The following FILIP1L variants were observed in gnomAD, a reference collection of about 807,000 sequenced individuals.
FILIP1L encodes the protein filamin A-interacting protein 1-like.
FILIP1L carries 55 observed loss-of-function variants against 96.6 expected under a neutral mutation model. The observed-to-expected ratio is 0.57, with a 90% confidence interval of 0.46 to 0.71. The LOEUF is 0.71. Ranked by LOEUF, FILIP1L falls within the 30% of genes least tolerant of loss-of-function variation. FILIP1L has a pLI of 0.00. For synonymous variants in FILIP1L, 467 were observed against 473.9 expected, an observed-to-expected ratio of 0.99 and a Z score of 0.19; for missense variants, 1,304 against 1,321.2, an observed-to-expected ratio of 0.99 and a Z score of 0.20.
chr3:99,913,561 G>A (rs955936507), intron 4 of FILIP1L, among the ~76,000 whole-genome samples: 1 of 152,076 alleles, frequency 6.6e-6, no homozygotes, highest in African/African-American at 2.4e-5. Context: ...TAAATGAATT[G>A]CATCTATAAA....
chr3:100,104,732 GCTTTCATCAAGAAAAA>G (rs1280821924), intron 1 of FILIP1L, among the ~76,000 whole-genome samples: 8 of 152,234 alleles, frequency 5.3e-5, no homozygotes, highest in African/African-American at 1.7e-4. Flanking sequence ...CAGCTTGTTA[GCTTTCATCAAGAAAAA>G]CTTTCATCAA....
At chr3:99,889,922 T>C (rs554945610) in intron 4 of FILIP1L, among the ~76,000 whole-genome samples, 34 of 152,252 alleles carry the variant, frequency 2.2e-4, no homozygotes, top group Middle Eastern at 3.4e-3. Context: ...TTATAATCTA[T>C]TATTGTTCTA....
chr3:100,094,958 G>C (rs894263135), intron 1 of FILIP1L, among the ~76,000 whole-genome samples: 8 of 152,080 alleles, frequency 5.3e-5, no homozygotes, highest in African/African-American at 1.7e-4. Context: ...AAAGTGCTGG[G>C]ATTACAGGAG....
At chr3:100,074,224 C>T (rs1418169800) in intron 1 of FILIP1L, among the ~76,000 whole-genome samples, 1 of 152,332 alleles carries the variant, frequency 6.6e-6, no homozygotes, top group East Asian at 1.9e-4. Context: ...CTGACAGCCC[C>T]CCTGGGCCTC....
chr3:99,965,627 G>T (rs755564024), intron 1 of FILIP1L, among the ~76,000 whole-genome samples: 1 of 152,152 alleles, frequency 6.6e-6, no homozygotes, highest in Non-Finnish European at 1.5e-5. Context: ...GTGTTCCAAG[G>T]TAGGGAATCC....
intron 1 of FILIP1L, among the ~76,000 whole-genome samples, chr3:100,036,626 A>G (rs1049062796): frequency 6.6e-6 from 1 of 152,370 alleles, no homozygotes; most frequent in East Asian, 1.9e-4. Context: ...TTTTGCAGCC[A>G]TCATAGTTGC....
At chr3:100,105,299 G>A (rs955003666) in intron 1 of FILIP1L, among the ~76,000 whole-genome samples, 1 of 152,114 alleles carries the variant, frequency 6.6e-6, no homozygotes, top group African/African-American at 2.4e-5. Context: ...GCAATATTTA[G>A]TTTGTTAAGT....
At chr3:99,874,654 A>T (rs1705416649) in intron 4 of FILIP1L, among the ~76,000 whole-genome samples, 1 of 152,222 alleles carries the variant, frequency 6.6e-6, no homozygotes, top group Non-Finnish European at 1.5e-5. Context: ...AACTGCTATG[A>T]GGCAAAAATG....
At chr3:100,065,829 T>C (rs2065654069) in intron 1 of FILIP1L, among the ~76,000 whole-genome samples, 2 of 152,226 alleles carry the variant, frequency 1.3e-5, no homozygotes, top group Admixed American at 6.5e-5. Context: ...TAAATGTTTA[T>C]TGGCCAGGTA....
In FILIP1L at chr3:99,978,555, A is replaced by C. The variant is rs190154393; in HGVS notation, c.-10-47525T>G. Among the ~76,000 whole-genome samples the C allele has an allele frequency of 2.6e-3, 389 of 152,324 alleles. 1 individual carries two copies. Among genetic ancestry groups the C allele is most frequent in the Non-Finnish European group, 3.9e-3 (268 of 68,024 alleles). ...AGGCACAGAAGGATGAACACACCAC[A>C]TATTCTCATTCATATGTGGAAGCTA... On this transcript the variant is annotated intron_variant, in intron 1 of 5. Transcript: ENST00000477258.
intron 4 of FILIP1L, among the ~76,000 whole-genome samples, chr3:99,879,911 C>T (rs1576543290): frequency 1.3e-5 from 2 of 152,156 alleles, no homozygotes; most frequent in South Asian, 4.1e-4. Context: ...CATGGTCCTG[C>T]ATTGCTTCAG....
chr3:99,934,026 T>G (rs1707578100), intron 1 of FILIP1L, among the ~76,000 whole-genome samples: 1 of 152,206 alleles, frequency 6.6e-6, no homozygotes, highest in African/African-American at 2.4e-5. Context: ...TGGCTGTTGG[T>G]TAGTTGGACT....
At chr3:99,933,453 ATATC>A (rs1707555164) in intron 1 of FILIP1L, among the ~76,000 whole-genome samples, 1 of 152,202 alleles carries the variant, frequency 6.6e-6, no homozygotes, top group African/African-American at 2.4e-5. Context: ...CATTGTGTGT[ATATC>A]TATTTATTTA....
chr3:99,861,996 AAG>A (rs1408322002), intron 4 of FILIP1L, among the ~76,000 whole-genome samples: 4 of 152,142 alleles, frequency 2.6e-5, no homozygotes, highest in African/African-American at 9.7e-5. Flanking sequence ...TCCATACAAA[AAG>A]TCCTTATCAT....
intron 1 of FILIP1L, among the ~76,000 whole-genome samples, chr3:100,014,807 A>ATTT (rs201338660): frequency 2.8e-4 from 18 of 64,562 alleles, no homozygotes; most frequent in African/African-American, 9.6e-4. Context: ...CATTCTATTG[A>ATTT]TTTTTTTTTT....
chr3:99,876,215 A>G, intron 4 of FILIP1L: 3 of 985,336 alleles, frequency 3.0e-6, no homozygotes, highest in Non-Finnish European at 3.6e-6. Flanking sequence ...GCGTTACGTC[A>G]CTGTTCTGCC....
Position 99,891,115 on chromosome 3 carries a change from A to G in FILIP1L, c.605+33115T>C, listed in dbSNP as rs74774083. On this transcript the variant is annotated intron_variant, in intron 4 of 5. Coordinates refer to ENST00000477258, the MANE Select transcript of FILIP1L (RefSeq NM_001387850.1). The stretch of plus-strand genomic sequence containing the variant: ...GAATCTGCAAATTCTCGTGTGGGCT[A>G]GCTTGTTAGTATACCTTCTCAGTGG... Among the ~76,000 whole-genome samples, 425 of 151,270 alleles carry G rather than the reference A, an allele frequency of 2.8e-3. 1 individual carries two copies. Among genetic ancestry groups the G allele is most frequent in the African/African-American group, 0.01 (413 of 41,238 alleles).
At chr3:100,033,570 G>GC (rs1269451905) in intron 1 of FILIP1L, among the ~76,000 whole-genome samples, 2 of 152,166 alleles carry the variant, frequency 1.3e-5, no homozygotes, top group Non-Finnish European at 2.9e-5. Context: ...ATCATGTACT[G>GC]CCCCTCAACT....
intron 4 of FILIP1L, among the ~76,000 whole-genome samples, chr3:99,881,537 C>CTT (rs767566245): frequency 1.5e-4 from 22 of 144,936 alleles, no homozygotes; most frequent in Non-Finnish European, 1.7e-4. Flanking sequence ...CTCTCTCTCT[C>CTT]TTTTTTTTTT....
Sources: gnomAD v4.1 joint callset for allele counts (sites outside exome capture counted in the v4.1 genomes callset) on GRCh38, gnomAD v4.1.1 for gene constraint, MANE v1.5 for transcripts, NCBI Gene and HGNC (gene_info 2026-07-23, HGNC 2026-07-21) for gene names.